Variants in DNAH7 observed in about 807,000 individuals in gnomAD.
DNAH7 encodes dynein axonemal heavy chain 7.
DNAH7 carries 397 observed loss-of-function variants against 444.6 expected under a neutral mutation model. That is an observed-to-expected ratio of 0.89 (90% CI 0.82 to 0.97). DNAH7 has a LOEUF of 0.97. Ranked by LOEUF, DNAH7 falls within the 50% of genes least tolerant of loss-of-function variation. DNAH7 has a pLI of 0.00. For missense variants in DNAH7, 4,902 were observed against 4,800.8 expected (o/e 1.02, Z -0.62); for synonymous variants, 1,636 against 1,624.4 (o/e 1.01, Z -0.17).
intron 63 of DNAH7, among the ~76,000 whole-genome samples, chr2:195,749,697 T>C (rs1693663373): frequency 6.6e-6 from 1 of 151,496 alleles, no homozygotes; most frequent in Non-Finnish European, 1.5e-5. Flanking sequence ...ATGGATGAAA[T>C]TGGAAATCAT....
intron 19 of DNAH7, among the ~76,000 whole-genome samples, chr2:195,956,218 A>G (rs923928171): frequency 5.3e-5 from 8 of 152,222 alleles, no homozygotes; most frequent in Non-Finnish European, 1.0e-4. Context: ...CATTTTTAAG[A>G]TAATACTTAT....
intron 47 of DNAH7, among the ~76,000 whole-genome samples, chr2:195,837,136 A>T (rs1468276897): frequency 6.6e-6 from 1 of 152,198 alleles, no homozygotes; most frequent in Non-Finnish European, 1.5e-5. Flanking sequence ...GTCCATGCTC[A>T]TTCTTTATTC....
At chr2:195,947,900 G>T (rs187256391) in intron 19 of DNAH7, among the ~76,000 whole-genome samples, 5 of 151,960 alleles carry the variant, frequency 3.3e-5, no homozygotes, top group African/African-American at 1.2e-4. Flanking sequence ...ACTAATTTAC[G>T]CTCCCACCAA....
In DNAH7 at chr2:196,028,022, C is replaced by T. The variant is rs74317435; in HGVS notation, c.424G>A (p.Ala142Thr). 3.9e-4 allele frequency: 632 copies of T among 1,609,800 alleles called. No homozygotes were observed. In the African/African-American group the frequency reaches 7.6e-3, roughly 19 times the overall value. ...IMQQDADLDSAVPDGSTIPKP... is the reference protein window; with the variant it reads ...IMQQDADLDSTVPDGSTIPKP... ...GGAATTGTGCTTCCATCAGGGACAG[C>T]TGAGTCTAAGTCAGCATCTTGTTGC... Residue 142 changes from alanine (A) to threonine (T), a missense_variant, in exon 6 of 65, where the codon GCT (alanine) becomes ACT (threonine). By Grantham distance (58) the Ala-to-Thr change is moderately conservative (BLOSUM62 0). Transcript: ENST00000312428.
At chr2:195,994,943 T>C (rs1381008289) in intron 12 of DNAH7, 1 of 295,624 alleles carries the variant, frequency 3.4e-6, no homozygotes, top group Non-Finnish European at 6.6e-6. Context: ...CCTTCTTCCT[T>C]TTCTTTAGAC....
intron 48 of DNAH7, 44 bp downstream of exon 48, chr2:195,834,162 C>T: frequency 4.5e-6 from 7 of 1,557,966 alleles, no homozygotes; most frequent in Non-Finnish European, 6.1e-6. Context: ...ATTGTGCCCT[C>T]TCCAGGCAGT....
In DNAH7 at chr2:195,974,303, A is replaced by C. The variant is rs1010779682; in HGVS notation, c.1834-1837T>G. 5.3e-5 allele frequency among the ~76,000 whole-genome samples: 8 copies of C among 152,220 alleles called. No homozygotes were observed. In the South Asian group the frequency reaches 1.0e-3, roughly 20 times the overall value. On this transcript the variant is annotated intron_variant, in intron 15 of 64. Coordinates refer to ENST00000312428, the MANE Select transcript of DNAH7 (RefSeq NM_018897.3). ...ACTGAAAATATATTTTTGATAATTTAGTTAATCAGCTATCTATGTAGTCAA... is the reference window on the plus strand; with the variant it reads ...ACTGAAAATATATTTTTGATAATTTCGTTAATCAGCTATCTATGTAGTCAA...
chr2:195,766,191 T>TTTTTTTTTTTTTTTTTTTTTTTTTTTTTA, intron 61 of DNAH7, among the ~76,000 whole-genome samples: 1 of 136,078 alleles, frequency 7.3e-6, no homozygotes. Flanking sequence ...TTTTTTTTTT[T>TTTTTTTTTTTTTTTTTTTTTTTTTTTTTA]GAGACAGAGT....
At chr2:196,030,194 T>C (rs372158159) in intron 5 of DNAH7, among the ~76,000 whole-genome samples, 2 of 152,296 alleles carry the variant, frequency 1.3e-5, no homozygotes, top group East Asian at 3.9e-4. Flanking sequence ...ACTTCTTACA[T>C]GATAGCAGAA....
chr2:195,845,686 G>C (rs10175371), intron 46 of DNAH7, among the ~76,000 whole-genome samples: 7,537 of 152,182 alleles, frequency 0.05, 240 homozygotes, highest in African/African-American at 0.076. Flanking sequence ...ACAGAATAGA[G>C]AGCACAGAAA....
chr2:196,054,706 T>C (rs1446046804), intron 2 of DNAH7, among the ~76,000 whole-genome samples: 4 of 152,090 alleles, frequency 2.6e-5, no homozygotes, highest in African/African-American at 9.7e-5. Context: ...CTATGTGTCA[T>C]GGGAGGGACC....
Position 195,894,976 on chromosome 2 carries a change from C to T in DNAH7, c.4896G>A (p.Lys1632=). The T allele has an allele frequency of 1.9e-6, 3 of 1,597,862 alleles. No individual in the cohort carries two copies. The highest frequency in any genetic ancestry group is 2.7e-5 in the African/African-American group (2 of 74,766). ...ATTAATGCATTAATAATATACTTGCCTTTTCACATATATCATTTAGTGCTC... is the reference window on the plus strand; with the variant it reads ...ATTAATGCATTAATAATATACTTGCTTTTTCACATATATCATTTAGTGCTC... The part of the protein sequence containing the change: ...LAGALNDICE[K]GLMEENKVQI... The change falls in exon 30 of 65, where the codon AAG becomes AAA. Residue 1632 remains lysine, a splice_region_variant and synonymous_variant. Coordinates refer to ENST00000312428, the MANE Select transcript of DNAH7 (RefSeq NM_018897.3).
intron 2 of DNAH7, among the ~76,000 whole-genome samples, chr2:196,052,711 G>A (rs1266105591): frequency 6.6e-6 from 1 of 152,226 alleles, no homozygotes; most frequent in Non-Finnish European, 1.5e-5. Flanking sequence ...AGGATGTGGA[G>A]CAGAGTATTC....
At chr2:195,932,474 C>G (rs532917357) in intron 21 of DNAH7, among the ~76,000 whole-genome samples, 70 of 152,106 alleles carry the variant, frequency 4.6e-4, no homozygotes, top group African/African-American at 1.5e-3. Context: ...TGGTGAGAGA[C>G]GGCATCCCTG....
intron 40 of DNAH7, among the ~76,000 whole-genome samples, chr2:195,866,867 G>C (rs1020641360): frequency 6.6e-6 from 1 of 152,156 alleles, no homozygotes; most frequent in Non-Finnish European, 1.5e-5. Context: ...GAATCATGGG[G>C]TGGGTCTTTC....
At chr2:195,823,514 A>T (rs1172616799) in intron 49 of DNAH7, among the ~76,000 whole-genome samples, 1 of 152,192 alleles carries the variant, frequency 6.6e-6, no homozygotes, top group Non-Finnish European at 1.5e-5. Flanking sequence ...AAATATTTCC[A>T]ATACAGGCAA....
At chr2:195,939,725 G>A (rs1574830993) in intron 19 of DNAH7, among the ~76,000 whole-genome samples, 1 of 152,086 alleles carries the variant, frequency 6.6e-6, no homozygotes, top group African/African-American at 2.4e-5. Context: ...ATCAGCTCTA[G>A]TGATGATCTA....
At chr2:195,753,767 A>G (rs1319622529) in intron 63 of DNAH7, among the ~76,000 whole-genome samples, 1 of 152,224 alleles carries the variant, frequency 6.6e-6, no homozygotes, top group Non-Finnish European at 1.5e-5. Context: ...GACAATCATC[A>G]AGAAAATAAA....
chr2:196,056,597 CA>C (rs1187496773), intron 2 of DNAH7, among the ~76,000 whole-genome samples: 1 of 151,992 alleles, frequency 6.6e-6, no homozygotes, highest in Non-Finnish European at 1.5e-5. Flanking sequence ...TGAAAGATGA[CA>C]GATAAATGCT....
Sources: gnomAD v4.1 joint callset for allele counts (sites outside exome capture counted in the v4.1 genomes callset) on GRCh38, gnomAD v4.1.1 for gene constraint, MANE v1.5 for transcripts, NCBI Gene and HGNC (gene_info 2026-07-23, HGNC 2026-07-21) for gene names.